ACSL6: variants seen among roughly 807,000 people sequenced by gnomAD.
ACSL6 encodes acyl-CoA synthetase long chain family member 6.
In ACSL6, 47 loss-of-function variants were observed where a neutral mutation model predicts 98.2. The observed-to-expected ratio is 0.48, with a 90% CI of 0.38 to 0.61. ACSL6 has a LOEUF of 0.61. ACSL6 is among the 20% of genes least tolerant of loss of function. The pLI is 0.00. For synonymous variants in ACSL6, 362 were observed against 336.9 expected, an observed-to-expected ratio of 1.07 and a Z score of -0.82; for missense variants, 761 against 913.4, an observed-to-expected ratio of 0.83 and a Z score of 2.15.
At chr5:131,991,426 T>A (rs935345435) in intron 2 of ACSL6, among the ~76,000 whole-genome samples, 1 of 152,172 alleles carries the variant, frequency 6.6e-6, no homozygotes, top group African/African-American at 2.4e-5. Flanking sequence ...GGGTGTGGTG[T>A]TAGCTAAGAA....
intron 7 of ACSL6, among the ~76,000 whole-genome samples, chr5:131,987,645 C>T (rs946590880): frequency 5.3e-5 from 8 of 152,174 alleles, no homozygotes; most frequent in South Asian, 2.1e-4. Context: ...TTCTGCTGGC[C>T]GCTGGGGGTC....
At position 131,988,243 on chromosome 5, in the gene ACSL6, A is replaced by G. The variant is rs1754304269; in HGVS notation, c.653-17T>C. On this transcript the variant is annotated splice_polypyrimidine_tract_variant and intron_variant, in intron 6 of 20. Coordinates refer to ENST00000651883, the MANE Select transcript of ACSL6 (RefSeq NM_001009185.3). The stretch of plus-strand genomic sequence containing the variant: ...TGATGTCCGCTGCAGGGGGCCATCA[A>G]GGAGAGTCAGGCCATGTGGGCCCAG... 1.9e-6 allele frequency: 3 copies of G among 1,612,794 alleles called. No individual in the cohort carries two copies. Among genetic ancestry groups the G allele is most frequent in the East Asian group, 2.2e-5 (1 of 44,862 alleles).
chr5:131,975,228 C>A, intron 10 of ACSL6: 1 of 1,350,504 alleles, frequency 7.4e-7, no homozygotes, highest in East Asian at 3.0e-5. Context: ...TGTTAGGTCG[C>A]AGCGTCAGTG....
chr5:131,980,455 C>T (rs758244501), intron 9 of ACSL6, among the ~76,000 whole-genome samples: 7 of 152,188 alleles, frequency 4.6e-5, no homozygotes, highest in Non-Finnish European at 8.8e-5. Flanking sequence ...AGGTCTTGAA[C>T]CAAATAGCAC....
In ACSL6 at chr5:131,971,466, T is replaced by G. The variant is rs1012206952; in HGVS notation, c.1434+84A>C. ...ACAAAAATCTTGTCCCCCGGTTCTT[T>G]CTCTGAGCAGTAGAGGGTATAGTAG... On this transcript the variant is annotated intron_variant, in intron 14 of 20. Transcript: ENST00000651883. 52 of 1,120,068 alleles carry G rather than the reference T, an allele frequency of 4.6e-5. No homozygotes were observed. The African/African-American group carries it at 8.1e-4, about 17-fold the overall frequency. The allele number at this position is 1,120,068 out of a possible 1,614,324, so 69.4% of individuals were successfully genotyped here.
chr5:131,989,436 T>A lies in ACSL6; in HGVS notation c.523A>T (p.Ile175Phe), dbSNP rs145192819. Residue 175 changes from isoleucine to phenylalanine, a missense_variant, in exon 5 of 21, where the codon ATT becomes TTT. Ile to Phe is a conservative substitution (Grantham distance 21, BLOSUM62 0). Coordinates refer to ENST00000651883, the MANE Select transcript of ACSL6 (RefSeq NM_001009185.3). The stretch of plus-strand genomic sequence containing the variant: ...GGCCGATTTTGTGCAAAAACACCAA[T>A]AAACTGATCAGTGCATGCTTTACAA... ...HNCKACTDQFIGVFAQNRPEW... is the reference protein window; with the variant it reads ...HNCKACTDQFFGVFAQNRPEW... 8.6e-5 allele frequency: 138 copies of A among 1,613,812 alleles called. 1 individual carries two copies. In the Middle Eastern group the frequency reaches 1.5e-3, roughly 17 times the overall value.
At chr5:131,959,429 G>A (rs1752584249) in intron 20 of ACSL6, 107 bp downstream of exon 20, 1 of 1,237,720 alleles carries the variant, frequency 8.1e-7, no homozygotes, top group East Asian at 2.4e-5. Flanking sequence ...CCTGCTGGCG[G>A]GCCACACCAT....
chr5:131,951,775 G>A lies in ACSL6; in HGVS notation c.*2459C>T, dbSNP rs536411230. 5.1e-4 allele frequency: 83 copies of A among 161,486 alleles called. No homozygotes were observed. The highest frequency in any genetic ancestry group is 1.8e-3 in the African/African-American group (75 of 41,810). 10.0% of individuals were successfully genotyped at this position (161,486 alleles called of 1,614,324 possible). A position where few individuals can be genotyped will look rare whatever the true frequency, so the allele number is the denominator to read the frequency against. ...TAATTTTTTGTATTTTTTTAGTAGAGACGGGGTTTCACTGTGTTAGCCAGG... is the reference window on the plus strand; with the variant it reads ...TAATTTTTTGTATTTTTTTAGTAGAAACGGGGTTTCACTGTGTTAGCCAGG... On this transcript the variant is annotated 3_prime_UTR_variant, in exon 21 of 21. Coordinates refer to ENST00000651883, the MANE Select transcript of ACSL6 (RefSeq NM_001009185.3).
intron 1 of ACSL6, among the ~76,000 whole-genome samples, chr5:131,997,464 A>G (rs1561807856): frequency 6.6e-6 from 1 of 152,188 alleles, no homozygotes; most frequent in East Asian, 1.9e-4. Context: ...TTGGCACTGA[A>G]CCCACAGACA....
rs766023547 is a variant in ACSL6, at chr5:131,967,970, C to T, written c.1566G>A (p.Leu522=). Residue 522 remains leucine, a synonymous_variant, in exon 16 of 21, where the codon CTG becomes CTA. Coordinates refer to ENST00000651883, the MANE Select transcript of ACSL6 (RefSeq NM_001009185.3). ...NHIKLVDVEE[L]NYWACKGEGE... is the part of the protein sequence containing the mutation. ...CCTCTCCTTTGCAGGCCCAGTAGTT[C>T]AGTTCCTCAACATCAACGAGCTTGA... 57 of 1,613,910 alleles carry T rather than the reference C, an allele frequency of 3.5e-5. No individual in the cohort carries two copies. In the Admixed American group the frequency reaches 9.3e-4, roughly 26 times the overall value.
intron 5 of ACSL6, 86 bp from the exon 6 acceptor site, chr5:131,988,990 G>A: frequency 1.6e-6 from 2 of 1,214,120 alleles, no homozygotes; most frequent in Non-Finnish European, 2.4e-6. Flanking sequence ...CAGCGTCCCT[G>A]CTCTAAGCCC....
intron 1 of ACSL6, among the ~76,000 whole-genome samples, chr5:131,999,018 TG>T (rs991580149): frequency 6.6e-6 from 1 of 151,902 alleles, no homozygotes; most frequent in African/African-American, 2.4e-5. Context: ...TCAAAACGGG[TG>T]GGGAAGCTCA....
chr5:131,956,003 C>G (rs2149678570), intron 20 of ACSL6, among the ~76,000 whole-genome samples: 1 of 152,210 alleles, frequency 6.6e-6, no homozygotes, highest in East Asian at 1.9e-4. Context: ...TAATAATATG[C>G]TTTTAAAAAT....
intron 12 of ACSL6, 88 bp downstream of exon 12, chr5:131,973,178 C>A: frequency 6.6e-7 from 1 of 1,525,582 alleles, no homozygotes; most frequent in African/African-American, 1.4e-5. Flanking sequence ...AGTGGAGGCA[C>A]TGAAAGCCTG....
intron 19 of ACSL6, chr5:131,959,899 AGCCCAGG>A (rs1413996757): frequency 4.6e-6 from 2 of 431,910 alleles, no homozygotes; most frequent in South Asian, 2.8e-5. Flanking sequence ...CCCCTAGATG[AGCCCAGG>A]GCCCAGGGTC....
chr5:131,978,134 T>C (rs1753715164), intron 9 of ACSL6, among the ~76,000 whole-genome samples: 1 of 152,240 alleles, frequency 6.6e-6, no homozygotes, highest in Admixed American at 6.5e-5. Flanking sequence ...ATATGGAGTC[T>C]ACAGAAGGAA....
intron 10 of ACSL6, 120 bp from the exon 11 acceptor site, chr5:131,975,090 G>A: frequency 1.4e-6 from 2 of 1,431,168 alleles, no homozygotes; most frequent in South Asian, 1.4e-5. Flanking sequence ...AGGGGGAGGG[G>A]AATGGGAGTG....
chr5:131,990,799 C>A (rs553853176), intron 3 of ACSL6, 54 bp downstream of exon 3: 36 of 1,544,868 alleles, frequency 2.3e-5, no homozygotes, highest in Non-Finnish European at 3.2e-5. Flanking sequence ...CCCTTGCACC[C>A]ACTCCACCCC....
chr5:131,951,267 C>T lies in ACSL6; in HGVS notation c.*2967G>A. The T allele has an allele frequency of 4.7e-6, 1 of 210,784 alleles. No homozygotes were observed. The highest frequency in any genetic ancestry group is 7.2e-5 in the East Asian group (1 of 13,884). The allele number at this position is 210,784 out of a possible 1,614,324, so 13.1% of individuals were successfully genotyped here. ...AATATGAATGTGACCATCGTAAGTA[C>T]ATCACCTTTTTCTATCTCTGTTAAT... On this transcript the variant is annotated 3_prime_UTR_variant, in exon 21 of 21. Transcript: ENST00000651883.
Sources: gnomAD v4.1 joint callset for allele counts (sites outside exome capture counted in the v4.1 genomes callset) on GRCh38, gnomAD v4.1.1 for gene constraint, MANE v1.5 for transcripts, NCBI Gene and HGNC (gene_info 2026-07-23, HGNC 2026-07-21) for gene names.